Variants in TAF4 observed in about 807,000 individuals in gnomAD.
The protein encoded by TAF4 is TATA-box binding protein associated factor 4, also known as transcription initiation factor TFIID subunit 4.
A neutral mutation model predicts 90.3 loss-of-function variants in TAF4; 9 were observed. That is an observed-to-expected ratio of 0.10 (90% CI 0.06 to 0.17). The LOEUF (loss-of-function observed/expected upper bound fraction) is 0.17, where lower values mean the gene tolerates loss of function less well. TAF4 is among the 10% of genes least tolerant of loss of function. The pLI, the probability that TAF4 is intolerant of heterozygous loss-of-function variation, is 1.00. For missense variants in TAF4, 1,351 were observed against 1,370.7 expected, an observed-to-expected ratio of 0.99 and a Z score of 0.23; for synonymous variants, 818 against 638.9, an observed-to-expected ratio of 1.28 and a Z score of -4.23.
chr20:61,994,849 G>A (rs1011531815), intron 14 of TAF4, among the ~76,000 whole-genome samples: 3 of 152,198 alleles, frequency 2.0e-5, no homozygotes, highest in African/African-American at 7.2e-5. Flanking sequence ...GGGCAGAGTA[G>A]AGGGCAGTCC....
chr20:62,064,271 C>G, intron 1 of TAF4, 180 bp downstream of exon 1: 1 of 606,726 alleles, frequency 1.6e-6, no homozygotes. Flanking sequence ...CCCTCTGGCT[C>G]ACTCGCAGAC....
At chr20:62,049,185 C>A (rs949002900) in intron 1 of TAF4, among the ~76,000 whole-genome samples, 1 of 152,090 alleles carries the variant, frequency 6.6e-6, no homozygotes, top group Non-Finnish European at 1.5e-5. Flanking sequence ...TGCCCACGCC[C>A]GCCTTCCACA....
At position 61,986,399 on chromosome 20, in the gene TAF4, T is replaced by C. The variant is rs137942234; in HGVS notation, c.3091-10064A>G. 2.4e-3 allele frequency among the ~76,000 whole-genome samples: 155 copies of C among 65,468 alleles called. 1 individual carries two copies. The highest frequency in any genetic ancestry group is 3.6e-3 in the Non-Finnish European group (101 of 27,998). 42.9% of individuals were successfully genotyped at this position (65,468 alleles called of 152,430 possible). On this transcript the variant is annotated intron_variant, in intron 14 of 14. Transcript: ENST00000252996. ...CAATCAAAGGAAACACCATCCCCAA[T>C]CAAAGGAAACACCATCCCCAACCAA...
Position 62,065,846 on chromosome 20 carries a change from G to T in TAF4, c.-36C>A, listed in dbSNP as rs768373238. On this transcript the variant is annotated 5_prime_UTR_variant, in exon 1 of 15. Transcript: ENST00000252996. Reference sequence around the variant, plus strand: ...CGGCCGCCGCCGCCGCCGCCGCTCGGGCCGAGCGCGCCTGGGCGAGGAGGA... The same window carrying T: ...CGGCCGCCGCCGCCGCCGCCGCTCGTGCCGAGCGCGCCTGGGCGAGGAGGA... 123 of 1,227,464 alleles carry T rather than the reference G, an allele frequency of 1.0e-4. No individual in the cohort carries two copies. In the African/African-American group the frequency reaches 1.8e-3, roughly 18 times the overall value. The allele number at this position is 1,227,464 out of a possible 1,614,324, so 76.0% of individuals were successfully genotyped here.
intron 14 of TAF4, among the ~76,000 whole-genome samples, chr20:61,996,211 G>A (rs1020373185): frequency 6.6e-6 from 1 of 150,400 alleles, no homozygotes; most frequent in Non-Finnish European, 1.5e-5. Flanking sequence ...CTGTCTCTAC[G>A]AAAAAAAAAG....
chr20:62,027,055 A>G (rs1258442148), intron 1 of TAF4, among the ~76,000 whole-genome samples: 4 of 152,244 alleles, frequency 2.6e-5, no homozygotes, highest in Non-Finnish European at 4.4e-5. Flanking sequence ...AATCAACACA[A>G]AAGAAATGGC....
intron 1 of TAF4, among the ~76,000 whole-genome samples, chr20:62,042,788 C>T (rs936852292): frequency 6.6e-6 from 1 of 152,252 alleles, no homozygotes; most frequent in African/African-American, 2.4e-5. Context: ...CTTATTAAAA[C>T]TTACAGTTAA....
chr20:61,997,792 T>C, intron 13 of TAF4, 123 bp from the exon 14 acceptor site: 1 of 1,288,186 alleles, frequency 7.8e-7, no homozygotes, highest in Admixed American at 2.8e-5. Flanking sequence ...CTTTAATGTT[T>C]TGACTTTCTC....
In TAF4 at chr20:62,039,295, A is replaced by C. The variant is rs565025515; in HGVS notation, c.1361-24588T>G. Among the ~76,000 whole-genome samples the C allele has an allele frequency of 6.6e-5, 10 of 152,376 alleles. No individual in the cohort carries two copies. The South Asian group carries it at 2.1e-3, about 32-fold the overall frequency. ...AACACATCCCAGAAGTGACGTCCTCACACGTGGCCGACTGAGTTTCAATAA... is the reference window on the plus strand; with the variant it reads ...AACACATCCCAGAAGTGACGTCCTCCCACGTGGCCGACTGAGTTTCAATAA... On this transcript the variant is annotated intron_variant, in intron 1 of 14. Coordinates refer to ENST00000252996, the MANE Select transcript of TAF4 (RefSeq NM_003185.4).
In TAF4 at chr20:62,014,718, A is replaced by G. The variant is rs1313887683; in HGVS notation, c.1361-11T>C. On this transcript the variant is annotated splice_polypyrimidine_tract_variant and intron_variant, in intron 1 of 14. Transcript: ENST00000252996. ...GGACGAGGACCATTCCTGCAGACAA[A>G]GGAGACCTGGCGTCAGGAACGCAAC... 1 of 1,612,142 alleles carries G rather than the reference A, an allele frequency of 6.2e-7. No homozygotes were observed. The highest frequency in any genetic ancestry group is 1.3e-5 in the African/African-American group (1 of 74,878).
intron 1 of TAF4, among the ~76,000 whole-genome samples, chr20:62,049,255 G>A (rs1193271363): frequency 6.6e-6 from 1 of 152,114 alleles, no homozygotes; most frequent in African/African-American, 2.4e-5. Context: ...GGGTTCCCAG[G>A]CTGAGCTTCT....
intron 10 of TAF4, 71 bp downstream of exon 10, chr20:62,000,481 C>A (rs2055692635): frequency 1.3e-6 from 2 of 1,529,958 alleles, no homozygotes; most frequent in Non-Finnish European, 8.9e-7. Context: ...GTCAGGTGTG[C>A]TCACCTGAAG....
intron 14 of TAF4, among the ~76,000 whole-genome samples, chr20:61,994,676 T>C (rs2055652620): frequency 6.6e-6 from 1 of 152,128 alleles, no homozygotes; most frequent in African/African-American, 2.4e-5. Context: ...CCCACACATT[T>C]CCAACAGTCC....
chr20:62,046,116 CAAATG>C (rs1370318767), intron 1 of TAF4, among the ~76,000 whole-genome samples: 1 of 152,240 alleles, frequency 6.6e-6, no homozygotes, highest in Non-Finnish European at 1.5e-5. Context: ...TCTGTGCCAA[CAAATG>C]AGACACAAAT....
chr20:61,987,927 G>A (rs570696743), intron 14 of TAF4, among the ~76,000 whole-genome samples: 1 of 152,324 alleles, frequency 6.6e-6, no homozygotes, highest in Non-Finnish European at 1.5e-5. Context: ...GAAAAAACAC[G>A]GAGGAACCTC....
chr20:62,003,837 G>T lies in TAF4; in HGVS notation c.2265C>A (p.Pro755=), dbSNP rs1324483306. Residue 755 remains proline, a synonymous_variant, in exon 8 of 15, where the codon CCC becomes CCA. Transcript: ENST00000252996. ...GTGTCTGCGTCAACGTCACCTGCGG[G>T]GGCCGGATCAGGGCTCCTGGCTTCG... is the stretch of plus-strand genomic sequence containing the variant. ...QPPKPGALIR[P]PQVTLTQTPM... 6.3e-7 allele frequency: 1 copy of T among 1,598,634 alleles called. No individual in the cohort carries two copies.
At chr20:62,020,032 C>T (rs1471045539) in intron 1 of TAF4, among the ~76,000 whole-genome samples, 4 of 152,182 alleles carry the variant, frequency 2.6e-5, no homozygotes, top group East Asian at 1.9e-4. Flanking sequence ...CTGCACCACC[C>T]GCCCTGGCTT....
Position 62,064,735 on chromosome 20 carries a change from T to C in TAF4, c.1076A>G (p.Gln359Arg). Residue 359 changes from glutamine to arginine, a missense_variant, in exon 1 of 15, where the codon CAG (glutamine) becomes CGG (arginine). Gln to Arg is a conservative substitution (Grantham distance 43, BLOSUM62 1). Around this residue, in one of 9 missense-constraint regions of TAF4, gnomAD observed 782 missense variants for 536.6 expected, o/e 1.46. Transcript: ENST00000252996. The part of the protein sequence containing the change: ...RVVQAAPPAA[Q>R]TLAASGPAST... ...GGCCGGGCCGCTGGCCGCCAGGGTCTGCGCCGCCGGGGGCGCCGCCTGCAC... is the reference window on the plus strand; with the variant it reads ...GGCCGGGCCGCTGGCCGCCAGGGTCCGCGCCGCCGGGGGCGCCGCCTGCAC... The C allele has an allele frequency of 1.7e-6, 2 of 1,196,268 alleles. No individual in the cohort carries two copies. Among genetic ancestry groups the C allele is most frequent in the East Asian group, 3.9e-5 (1 of 25,638 alleles). 74.1% of individuals were successfully genotyped at this position (1,196,268 alleles called of 1,614,324 possible). A position where few individuals can be genotyped will look rare whatever the true frequency, so the allele number is the denominator to read the frequency against.
chr20:62,043,934 G>A (rs2055978398), intron 1 of TAF4, among the ~76,000 whole-genome samples: 1 of 152,190 alleles, frequency 6.6e-6, no homozygotes, highest in Non-Finnish European at 1.5e-5. Context: ...ACTGCAGGCT[G>A]GACGGGAAGA....
Sources: gnomAD v4.1 joint callset for allele counts (sites outside exome capture counted in the v4.1 genomes callset) on GRCh38, gnomAD v4.1.1 for gene constraint, gnomAD v4.1.1 regional missense constraint, MANE v1.5 for transcripts, NCBI Gene and HGNC (gene_info 2026-07-23, HGNC 2026-07-21) for gene names.